Variants in MAP4K3 observed in about 807,000 individuals in gnomAD.
MAP4K3 encodes the protein mitogen-activated protein kinase kinase kinase kinase 3.
In MAP4K3, 94 loss-of-function variants were observed where a neutral mutation model predicts 143.5. The ratio of observed to expected loss-of-function variants is 0.65; its 90% CI spans 0.55 to 0.78. The LOEUF (loss-of-function observed/expected upper bound fraction) is 0.78, where lower values mean the gene tolerates loss of function less well. Ranked by LOEUF, MAP4K3 falls within the 30% of genes least tolerant of loss-of-function variation. The pLI is 0.00. For synonymous variants in MAP4K3, 416 were observed against 347.2 expected (o/e 1.20, Z -2.20); for missense variants, 1,077 against 1,068.1 (o/e 1.01, Z -0.12).
At chr2:39,313,204 CT>C (rs1682998602) in intron 13 of MAP4K3, among the ~76,000 whole-genome samples, 1 of 152,146 alleles carries the variant, frequency 6.6e-6, no homozygotes, top group Admixed American at 6.5e-5. Flanking sequence ...TTATGATGCT[CT>C]TTTTTATTTT....
chr2:39,383,595 G>T (rs1666408434), intron 1 of MAP4K3, among the ~76,000 whole-genome samples: 1 of 151,858 alleles, frequency 6.6e-6, no homozygotes, highest in African/African-American at 2.4e-5. Flanking sequence ...AGTACTCCTG[G>T]TTATGCCTAT....
chr2:39,434,707 C>A (rs1665399130), intron 1 of MAP4K3, among the ~76,000 whole-genome samples: 1 of 152,220 alleles, frequency 6.6e-6, no homozygotes, highest in South Asian at 2.1e-4. Flanking sequence ...GGCTTTGCCA[C>A]CTACCAACTT....
In MAP4K3 at chr2:39,260,636, T is replaced by G; in HGVS notation, c.2278A>C (p.Asn760His). 2 of 1,614,078 alleles carry G rather than the reference T, an allele frequency of 1.2e-6. No individual in the cohort carries two copies. The highest frequency in any genetic ancestry group is 1.7e-6 in the Non-Finnish European group (2 of 1,180,010). The part of the protein sequence containing the change: ...QVVRFETVNP[N>H]STSSWFTESD... The stretch of plus-strand genomic sequence containing the variant: ...TCTGTAAACCATGAAGAGGTAGAAT[T>G]TGGATTGACCGTCTCAAATCGAACC... The change falls in exon 29 of 34, where the codon AAT (asparagine) becomes CAT (histidine). Residue 760 changes from asparagine to histidine, a missense_variant. Physicochemically the swap from Asn to His is moderately conservative, Grantham distance 68. This residue lies in a region of MAP4K3 where 864 missense variants were observed against 801.2 expected (regional missense o/e 1.08). Transcript: ENST00000263881.
At chr2:39,428,139 T>C (rs1336180338) in intron 1 of MAP4K3, among the ~76,000 whole-genome samples, 1 of 152,226 alleles carries the variant, frequency 6.6e-6, no homozygotes, top group African/African-American at 2.4e-5. Flanking sequence ...GCCTTAGGCA[T>C]GTTCCTTAGA....
intron 16 of MAP4K3, among the ~76,000 whole-genome samples, chr2:39,294,592 G>C (rs545876719): frequency 1.1e-4 from 16 of 152,304 alleles, no homozygotes; most frequent in African/African-American, 3.6e-4. Context: ...CACCATCACA[G>C]GATATGGCAC....
In MAP4K3 at chr2:39,423,669, G is replaced by A. The variant is rs150291576; in HGVS notation, c.96+13223C>T. On this transcript the variant is annotated intron_variant, in intron 1 of 33. Transcript: ENST00000263881. ...TAAGGGAAAGAAGACAGTCTGAAAA[G>A]GCTACATATTGTATGATTCCAATTA... 4.5e-3 allele frequency among the ~76,000 whole-genome samples: 679 copies of A among 152,282 alleles called. 8 individuals carry two copies. Among genetic ancestry groups the A allele is most frequent in the East Asian group, 0.014 (71 of 5,190 alleles).
intron 1 of MAP4K3, among the ~76,000 whole-genome samples, chr2:39,405,039 T>A (rs1168719727): frequency 6.6e-6 from 1 of 152,204 alleles, no homozygotes; most frequent in Non-Finnish European, 1.5e-5. Context: ...GGCTTCACCA[T>A]CTGCTGATTA....
intron 12 of MAP4K3, among the ~76,000 whole-genome samples, chr2:39,316,140 A>G (rs1683106914): frequency 6.6e-6 from 1 of 152,106 alleles, no homozygotes; most frequent in African/African-American, 2.4e-5. Context: ...TAGGAAACAT[A>G]CCAATATTTA....
chr2:39,272,973 AG>A (rs1681093886), intron 24 of MAP4K3, among the ~76,000 whole-genome samples: 1 of 152,262 alleles, frequency 6.6e-6, no homozygotes, highest in East Asian at 1.9e-4. Context: ...ATCATGGTGT[AG>A]TGGAACACAG....
intron 28 of MAP4K3, chr2:39,261,022 G>A (rs1680547426): frequency 1.1e-5 from 4 of 352,952 alleles, no homozygotes; most frequent in South Asian, 3.5e-5. Context: ...TATAAGTCAC[G>A]TGTCCAACCC....
chr2:39,403,644 T>C lies in MAP4K3; in HGVS notation c.97-25521A>G, dbSNP rs936761739. Among the ~76,000 whole-genome samples the C allele has an allele frequency of 3.3e-5, 5 of 151,880 alleles. 1 individual carries two copies. The highest frequency in any genetic ancestry group is 1.3e-4 in the Admixed American group (2 of 15,252). On this transcript the variant is annotated intron_variant, in intron 1 of 33. Transcript: ENST00000263881. ...AGTACTCTGCAGCCCTCAATAAACC[T>C]GAAAGGCAGTCTAGGCCACAAGGAC...
chr2:39,269,129 G>C (rs1174381468), intron 26 of MAP4K3, among the ~76,000 whole-genome samples: 1 of 148,276 alleles, frequency 6.7e-6, no homozygotes, highest in Non-Finnish European at 1.5e-5. Flanking sequence ...TTTTTTTAGA[G>C]TTGTACAATT....
intron 1 of MAP4K3, among the ~76,000 whole-genome samples, chr2:39,418,364 C>T (rs926017086): frequency 6.6e-6 from 1 of 152,078 alleles, no homozygotes; most frequent in Non-Finnish European, 1.5e-5. Context: ...TACATCCATA[C>T]TAATATAAAA....
chr2:39,319,077 C>A (rs1281462614), intron 12 of MAP4K3, among the ~76,000 whole-genome samples: 2 of 152,074 alleles, frequency 1.3e-5, no homozygotes, highest in African/African-American at 2.4e-5. Flanking sequence ...ATGCACAGGG[C>A]AGCCCTCCCA....
At chr2:39,424,150 G>C (rs955647799) in intron 1 of MAP4K3, among the ~76,000 whole-genome samples, 3 of 152,130 alleles carry the variant, frequency 2.0e-5, no homozygotes, top group African/African-American at 7.2e-5. Context: ...CACCATGTTG[G>C]CCAGGCTGGT....
At chr2:39,296,422 T>C (rs918614330) in intron 16 of MAP4K3, among the ~76,000 whole-genome samples, 1 of 152,232 alleles carries the variant, frequency 6.6e-6, no homozygotes, top group Non-Finnish European at 1.5e-5. Context: ...TCTTCTCTTA[T>C]GGAAGTTTTA....
chr2:39,260,162 G>A (rs1680508861), intron 29 of MAP4K3, among the ~76,000 whole-genome samples: 1 of 152,132 alleles, frequency 6.6e-6, no homozygotes, highest in South Asian at 2.1e-4. Context: ...CACCCAGGGT[G>A]GAGTACAATG....
At chr2:39,360,157 T>C (rs1325328505) in intron 2 of MAP4K3, among the ~76,000 whole-genome samples, 2 of 152,218 alleles carry the variant, frequency 1.3e-5, no homozygotes, top group East Asian at 1.9e-4. Flanking sequence ...TTCCACCAGA[T>C]ACCCTAATCA....
intron 16 of MAP4K3, among the ~76,000 whole-genome samples, chr2:39,296,247 T>C (rs2148484461): frequency 6.6e-6 from 1 of 152,330 alleles, no homozygotes; most frequent in South Asian, 2.1e-4. Flanking sequence ...ATTTACTTTT[T>C]AGGCTTTATA....
Sources: gnomAD v4.1 joint callset for allele counts (sites outside exome capture counted in the v4.1 genomes callset) on GRCh38, gnomAD v4.1.1 for gene constraint, gnomAD v4.1.1 regional missense constraint, MANE v1.5 for transcripts, NCBI Gene and HGNC (gene_info 2026-07-23, HGNC 2026-07-21) for gene names.